Variants in COLQ observed in about 807,000 individuals in gnomAD.
The protein encoded by COLQ is acetylcholinesterase collagenic tail peptide.
COLQ carries 48 observed loss-of-function variants against 69.0 expected under a neutral mutation model. The observed-to-expected ratio is 0.70, with a 90% confidence interval of 0.55 to 0.88. COLQ has a LOEUF of 0.88. Among genes scored for constraint, COLQ ranks in the 40% least tolerant of loss-of-function variants. COLQ has a pLI of 0.00. For synonymous variants in COLQ, 217 were observed against 211.2 expected (o/e 1.03, Z -0.24); for missense variants, 618 against 594.6 (o/e 1.04, Z -0.41).
intron 6 of COLQ, 37 bp downstream of exon 6, chr3:15,477,089 T>G: frequency 6.4e-7 from 1 of 1,568,344 alleles, no homozygotes; most frequent in Non-Finnish European, 8.7e-7. Context: ...CCTCTTGTTT[T>G]GACACCGCAT....
At chr3:15,496,803 C>A (rs1207109733) in intron 1 of COLQ, among the ~76,000 whole-genome samples, 1 of 152,168 alleles carries the variant, frequency 6.6e-6, no homozygotes, top group Non-Finnish European at 1.5e-5. Context: ...GACTCAATAC[C>A]CATTCTTGAA....
intron 16 of COLQ, 137 bp from the exon 17 acceptor site, chr3:15,451,850 T>TG (rs1294695195): frequency 1.3e-6 from 1 of 763,932 alleles, no homozygotes; most frequent in East Asian, 2.6e-5. Flanking sequence ...GTGAGAGGCC[T>TG]GGGGGAGTTG....
intron 12 of COLQ, among the ~76,000 whole-genome samples, chr3:15,464,635 A>G (rs1039255043): frequency 6.6e-6 from 1 of 152,252 alleles, no homozygotes; most frequent in Non-Finnish European, 1.5e-5. Flanking sequence ...TTGCAAATAT[A>G]GTTCCATAAA....
At chr3:15,463,213 C>T (rs1333864672) in intron 12 of COLQ, among the ~76,000 whole-genome samples, 2 of 152,130 alleles carry the variant, frequency 1.3e-5, no homozygotes, top group Non-Finnish European at 2.9e-5. Context: ...GAGATAAACA[C>T]AGTGAGACCA....
At chr3:15,481,000 C>T (rs1369973141) in intron 3 of COLQ, among the ~76,000 whole-genome samples, 9 of 152,140 alleles carry the variant, frequency 5.9e-5, no homozygotes, top group African/African-American at 2.2e-4. Flanking sequence ...TCTGTTCATA[C>T]ACTTCACCCA....
At chr3:15,498,488 T>C (rs1575489950) in intron 1 of COLQ, 1 of 1,361,548 alleles carries the variant, frequency 7.3e-7, no homozygotes, top group Non-Finnish European at 9.9e-7. Flanking sequence ...CACACACACG[T>C]GCACACACGC....
chr3:15,515,610 C>A (rs1257895862), intron 1 of COLQ, among the ~76,000 whole-genome samples: 1 of 152,098 alleles, frequency 6.6e-6, no homozygotes, highest in Non-Finnish European at 1.5e-5. Context: ...GAGTTCGAGA[C>A]CAGCCTGGCT....
chr3:15,502,853 G>A (rs1039404237), intron 1 of COLQ, among the ~76,000 whole-genome samples: 7 of 152,154 alleles, frequency 4.6e-5, no homozygotes, highest in Non-Finnish European at 8.8e-5. Flanking sequence ...TTGCAGACTC[G>A]TTTGGCAAAA....
intron 12 of COLQ, among the ~76,000 whole-genome samples, chr3:15,465,852 G>A (rs998243082): frequency 2.0e-5 from 3 of 150,096 alleles, no homozygotes; most frequent in Admixed American, 6.6e-5. Context: ...TGATCTGCCC[G>A]TCTCGGCCTC....
chr3:15,508,930 C>A (rs1039885536), intron 1 of COLQ, among the ~76,000 whole-genome samples: 1 of 152,026 alleles, frequency 6.6e-6, no homozygotes, highest in African/African-American at 2.4e-5. Context: ...GCAGGCAGAT[C>A]GCTTGAGCTC....
At position 15,521,663 on chromosome 3, in the gene COLQ, G is replaced by C. The variant is rs781577326; in HGVS notation, c.-38C>G. The C allele has an allele frequency of 3.7e-6, 6 of 1,613,424 alleles. No individual in the cohort carries two copies. In the East Asian group the frequency reaches 1.3e-4, roughly 36 times the overall value. On this transcript the variant is annotated 5_prime_UTR_variant, in exon 1 of 17. Transcript: ENST00000383788. ...CTGGCGAGGGTCAAGTTAGAAAGGAGGCTGCTGCGGAGCCTTGCTTATCTC... is the reference window on the plus strand; with the variant it reads ...CTGGCGAGGGTCAAGTTAGAAAGGACGCTGCTGCGGAGCCTTGCTTATCTC...
intron 1 of COLQ, among the ~76,000 whole-genome samples, chr3:15,507,852 T>A (rs191302469): frequency 8.5e-5 from 13 of 152,320 alleles, no homozygotes; most frequent in African/African-American, 3.1e-4. Context: ...ATTTTTTTCA[T>A]TGGGTTGTCA....
chr3:15,487,521 G>A (rs1453281569), intron 3 of COLQ, among the ~76,000 whole-genome samples: 2 of 152,130 alleles, frequency 1.3e-5, no homozygotes, highest in African/African-American at 4.8e-5. Context: ...TCATTTTTAC[G>A]CCCCCTGCAT....
At chr3:15,469,032 A>G (rs1299868344) in intron 11 of COLQ, among the ~76,000 whole-genome samples, 1 of 152,198 alleles carries the variant, frequency 6.6e-6, no homozygotes, top group African/African-American at 2.4e-5. Context: ...AATTCATGAT[A>G]AAAATAAATA....
rs778740405 is a variant in COLQ at position 15,458,196 on chromosome 3, C to T, written c.944G>A (p.Arg315Gln). The T allele has an allele frequency of 5.9e-5, 95 of 1,613,554 alleles. No individual in the cohort carries two copies. Among genetic ancestry groups the T allele is most frequent in the Middle Eastern group, 1.7e-4 (1 of 5,740 alleles). ...CCCAGAAAGCCTTACCACAGGAACT[C>T]GCGGGGAACTGGGCCCATACACAGA... ...GESVYGPSSP[R>Q]VPVIFVVNNQ... The change falls in exon 13 of 17, where the codon CGA becomes CAA. Residue 315 changes from arginine (R) to glutamine (Q), a missense_variant. Arg to Gln is a conservative substitution (Grantham distance 43). Coordinates refer to ENST00000383788, the MANE Select transcript of COLQ (RefSeq NM_005677.4).
At chr3:15,468,611 G>C (rs985368566) in intron 11 of COLQ, among the ~76,000 whole-genome samples, 4 of 152,166 alleles carry the variant, frequency 2.6e-5, no homozygotes, top group Admixed American at 2.6e-4. Context: ...TGGGATTATA[G>C]GCATGAGTCG....
Position 15,470,629 on chromosome 3 carries a change from A to G in COLQ, c.637-13T>C. ...GACCCATTTCACCCTGGAAAGAAGG[A>G]AAGAGAAGCAAGAGAGGACTTAGGG... On this transcript the variant is annotated splice_polypyrimidine_tract_variant and intron_variant, in intron 10 of 16. Transcript: ENST00000383788. 1.2e-6 allele frequency: 2 copies of G among 1,613,792 alleles called. No homozygotes were observed. The highest frequency in any genetic ancestry group is 1.7e-6 in the Non-Finnish European group (2 of 1,179,736).
chr3:15,481,187 T>A (rs999825034), intron 3 of COLQ, among the ~76,000 whole-genome samples: 2 of 152,244 alleles, frequency 1.3e-5, no homozygotes, highest in Non-Finnish European at 2.9e-5. Flanking sequence ...TCTTTTGCTG[T>A]GCAGAAGCTC....
chr3:15,470,507 A>G, intron 11 of COLQ, 29 bp downstream of exon 11: 1 of 1,607,526 alleles, frequency 6.2e-7, no homozygotes. Context: ...TTCTGACCTC[A>G]GGCGGGTGGT....
Sources: gnomAD v4.1 joint callset for allele counts (sites outside exome capture counted in the v4.1 genomes callset) on GRCh38, gnomAD v4.1.1 for gene constraint, MANE v1.5 for transcripts, NCBI Gene and HGNC (gene_info 2026-07-23, HGNC 2026-07-21) for gene names.